Variants in DIPK2A observed in about 807,000 individuals in gnomAD.
The protein encoded by DIPK2A is Golgi Protein of 49 kDa.
A neutral mutation model predicts 39.0 loss-of-function variants in DIPK2A; 27 were observed. The ratio of observed to expected loss-of-function variants is 0.69; its 90% CI spans 0.51 to 0.96. DIPK2A has a LOEUF of 0.96. Among genes scored for constraint, DIPK2A ranks in the 40% least tolerant of loss-of-function variants. The probability of loss-of-function intolerance (pLI) is 0.00; values close to 1 mark genes in which losing one functional copy is unlikely to be tolerated. For missense variants in DIPK2A, 528 were observed against 571.3 expected, an observed-to-expected ratio of 0.92 and a Z score of 0.77; for synonymous variants, 298 against 240.8, an observed-to-expected ratio of 1.24 and a Z score of -2.20.
At chr3:143,978,620 A>C (rs1341270814) in intron 1 of DIPK2A, 7 of 53,968 alleles carry the variant, frequency 1.3e-4, no homozygotes, top group African/African-American at 8.4e-4. Flanking sequence ...ATATATCTAT[A>C]TCTATATATA....
intron 1 of DIPK2A, among the ~76,000 whole-genome samples, chr3:143,977,822 G>T (rs2087751979): frequency 6.6e-6 from 1 of 151,988 alleles, no homozygotes; most frequent in East Asian, 1.9e-4. Context: ...GATACCTCAA[G>T]TCCAAAAAGG....
chr3:143,984,393 T>A (rs1234316698), intron 1 of DIPK2A, among the ~76,000 whole-genome samples: 1 of 152,104 alleles, frequency 6.6e-6, no homozygotes, highest in Non-Finnish European at 1.5e-5. Flanking sequence ...TAGCTTTTGA[T>A]TTCAAATGAG....
chr3:143,978,660 C>CTATATATATATATATATATA (rs1213006964), intron 1 of DIPK2A: 1 of 76,044 alleles, frequency 1.3e-5, no homozygotes, highest in African/African-American at 5.1e-5. Context: ...ATATATATAT[C>CTATATATATATATATATATA]TATATATAGA....
intron 1 of DIPK2A, chr3:143,978,639 T>A (rs1204002658): frequency 3.9e-5 from 2 of 51,584 alleles, no homozygotes; most frequent in Non-Finnish European, 7.1e-5. Flanking sequence ...TATATATATA[T>A]CTATATATAT....
chr3:143,980,316 G>A (rs527739254), intron 1 of DIPK2A, among the ~76,000 whole-genome samples: 12 of 152,212 alleles, frequency 7.9e-5, no homozygotes, highest in Admixed American at 6.5e-4. Flanking sequence ...CATCCAGGCC[G>A]GAGTGCAGTG....
intron 1 of DIPK2A, among the ~76,000 whole-genome samples, chr3:143,985,040 G>C (rs1280084771): frequency 6.6e-6 from 1 of 152,124 alleles, no homozygotes; most frequent in African/African-American, 2.4e-5. Flanking sequence ...TATTTGTTTG[G>C]TGACTGCATG....
rs1455649065 is a variant in DIPK2A, at chr3:143,990,964, T to A, written c.*1123T>A. 1 of 152,346 alleles carries A rather than the reference T, an allele frequency of 6.6e-6. No homozygotes were observed. Among genetic ancestry groups the A allele is most frequent in the Non-Finnish European group, 1.5e-5 (1 of 68,010 alleles). 9.4% of individuals were successfully genotyped at this position (152,346 alleles called of 1,614,324 possible). A position where few individuals can be genotyped will look rare whatever the true frequency, so the allele number is the denominator to read the frequency against. Reference sequence around the variant, plus strand: ...CAAAATTAACATGGTAGCCATTGTTTGAATTTAATCGGGCATCATAACTTT... The same window carrying A: ...CAAAATTAACATGGTAGCCATTGTTAGAATTTAATCGGGCATCATAACTTT... On this transcript the variant is annotated 3_prime_UTR_variant, in exon 3 of 3. Coordinates refer to ENST00000315691, the MANE Select transcript of DIPK2A (RefSeq NM_173552.5).
At chr3:143,980,502 G>A (rs1292134675) in intron 1 of DIPK2A, among the ~76,000 whole-genome samples, 3 of 152,010 alleles carry the variant, frequency 2.0e-5, no homozygotes, top group Non-Finnish European at 2.9e-5. Context: ...CCTGACCTTA[G>A]GTGATCTGCC....
intron 1 of DIPK2A, chr3:143,978,627 T>TATATATATATATATCTATATAG (rs2087770602): frequency 3.0e-5 from 1 of 33,218 alleles, no homozygotes; most frequent in African/African-American, 3.0e-4. Context: ...TATATCTATA[T>TATATATATATATATCTATATAG]ATATATATAT....
At chr3:143,978,552 A>T (rs1046778418) in intron 1 of DIPK2A, 1 of 150,966 alleles carries the variant, frequency 6.6e-6, no homozygotes, top group African/African-American at 2.4e-5. Flanking sequence ...ATTATTATAC[A>T]ATCCATTTAA....
intron 1 of DIPK2A, 158 bp downstream of exon 1, chr3:143,973,147 G>A (rs1441867938): frequency 8.9e-7 from 1 of 1,122,482 alleles, no homozygotes; most frequent in Middle Eastern, 2.0e-4. Context: ...GGGAGCCCCG[G>A]GGCTGTGCAG....
intron 1 of DIPK2A, among the ~76,000 whole-genome samples, chr3:143,981,286 A>AT (rs2087825282): frequency 1.3e-5 from 2 of 152,346 alleles, no homozygotes; most frequent in South Asian, 4.1e-4. Flanking sequence ...CATGGCATAC[A>AT]TATAGATGAT....
chr3:143,980,241 A>G (rs1397890589), intron 1 of DIPK2A, among the ~76,000 whole-genome samples: 1 of 146,288 alleles, frequency 6.8e-6, no homozygotes, highest in Non-Finnish European at 1.5e-5. Flanking sequence ...TTAAAACTTA[A>G]GTTAGCTCTT....
Position 143,991,519 on chromosome 3 carries a change from A to G in DIPK2A, c.*1678A>G, listed in dbSNP as rs917340453. On this transcript the variant is annotated 3_prime_UTR_variant, in exon 3 of 3. Coordinates refer to ENST00000315691, the MANE Select transcript of DIPK2A (RefSeq NM_173552.5). ...TTGTACCATCTAAAACTAGGTTGCT[A>G]TAAAAATAGGAGGATGAAGTCAATA... is the stretch of plus-strand genomic sequence containing the variant. 17 of 152,624 alleles carry G rather than the reference A, an allele frequency of 1.1e-4. No homozygotes were observed. Among genetic ancestry groups the G allele is most frequent in the Non-Finnish European group, 1.5e-4 (10 of 68,006 alleles). The allele number at this position is 152,624 out of a possible 1,614,324, so 9.5% of individuals were successfully genotyped here.
rs2107836466 is a variant in DIPK2A, at chr3:143,972,313, G to T, written c.-20G>T. On this transcript the variant is annotated 5_prime_UTR_variant, in exon 1 of 3. Coordinates refer to ENST00000315691, the MANE Select transcript of DIPK2A (RefSeq NM_173552.5). ...GCCCCGGGGGTGCCCTCGCCCTCCCGTTGCGGGCGGGCGGGCGGTATGTGG... is the reference window on the plus strand; with the variant it reads ...GCCCCGGGGGTGCCCTCGCCCTCCCTTTGCGGGCGGGCGGGCGGTATGTGG... 2.2e-6 allele frequency: 3 copies of T among 1,346,088 alleles called. No individual in the cohort carries two copies. The East Asian group carries it at 9.0e-5, about 40-fold the overall frequency. 83.4% of individuals were successfully genotyped at this position (1,346,088 alleles called of 1,614,324 possible). A position where few individuals can be genotyped will look rare whatever the true frequency, so the allele number is the denominator to read the frequency against.
rs1226555342 is a variant in DIPK2A at position 143,977,425 on chromosome 3, CCTTT to C, written c.657+4440_657+4443del. Among the ~76,000 whole-genome samples the C allele has an allele frequency of 7.9e-5, 12 of 152,090 alleles. No individual in the cohort carries two copies. In the East Asian group the frequency reaches 2.3e-3, roughly 29 times the overall value. ...TGGGAGTGGGATGCTCTCTTTCAAG[CCTTT>C]CTTCCTACCCCCAAATTTTTACACA... On this transcript the variant is annotated intron_variant, in intron 1 of 2. Coordinates refer to ENST00000315691, the MANE Select transcript of DIPK2A (RefSeq NM_173552.5).
rs1321396341 is a variant in DIPK2A, at chr3:143,990,291, T to C, written c.*450T>C. ...CTTTTTCCTTCTGATGTGTAGGGTT[T>C]TTTCCCCCTTTTTTTTTTTAATTAA... is the stretch of plus-strand genomic sequence containing the variant. On this transcript the variant is annotated 3_prime_UTR_variant, in exon 3 of 3. Transcript: ENST00000315691. 6.5e-6 allele frequency: 1 copy of C among 153,126 alleles called. No homozygotes were observed. Among genetic ancestry groups the C allele is most frequent in the African/African-American group, 2.4e-5 (1 of 41,436 alleles). 9.5% of individuals were successfully genotyped at this position (153,126 alleles called of 1,614,324 possible).
At position 143,990,052 on chromosome 3, in the gene DIPK2A, T is replaced by C; in HGVS notation, c.*211T>C. 1 of 541,074 alleles carries C rather than the reference T, an allele frequency of 1.8e-6. No individual in the cohort carries two copies. 33.5% of individuals were successfully genotyped at this position (541,074 alleles called of 1,614,324 possible). A position where few individuals can be genotyped will look rare whatever the true frequency, so the allele number is the denominator to read the frequency against. On this transcript the variant is annotated 3_prime_UTR_variant, in exon 3 of 3. Transcript: ENST00000315691. ...CTGCAAATAAGTATGTTCTTATACT[T>C]TGGAGGCTTGAGCTGTCATCAGCTG...
At chr3:143,980,097 C>T (rs562924221) in intron 1 of DIPK2A, among the ~76,000 whole-genome samples, 36 of 152,212 alleles carry the variant, frequency 2.4e-4, no homozygotes, top group African/African-American at 8.2e-4. Context: ...ACTATATCTC[C>T]CCTCCAGACA....
Sources: gnomAD v4.1 joint callset for allele counts (sites outside exome capture counted in the v4.1 genomes callset) on GRCh38, gnomAD v4.1.1 for gene constraint, MANE v1.5 for transcripts, NCBI Gene and HGNC (gene_info 2026-07-23, HGNC 2026-07-21) for gene names.